The following FRMPD4 variants were observed in gnomAD, a reference collection of about 807,000 sequenced individuals.
FRMPD4 encodes the protein FERM and PDZ domain containing 4.
Under a neutral mutation model 94.1 loss-of-function variants are expected in FRMPD4, and 22 were observed. That is an observed-to-expected ratio of 0.23 (90% CI 0.17 to 0.33). The LOEUF is 0.33. FRMPD4 is among the 10% of genes least tolerant of loss of function. The pLI, the probability that FRMPD4 is intolerant of heterozygous loss-of-function variation, is 1.00. For missense variants in FRMPD4, 1,111 were observed against 1,339.9 expected (o/e 0.83, Z 2.67); for synonymous variants, 631 against 548.6 (o/e 1.15, Z -2.10).
chrX:12,686,058 T>A (rs1157590468), intron 6 of FRMPD4, 39 bp from the exon 7 acceptor site: 2 of 639,251 alleles, frequency 3.1e-6, no homozygotes, highest in Admixed American at 4.8e-5. Flanking sequence ...GAGTTATAAT[T>A]TGATCAATTT....
intron 1 of FRMPD4, among the ~76,000 whole-genome samples, chrX:12,307,261 A>G (rs917264299): frequency 6.2e-5 from 7 of 112,438 alleles, no homozygotes; most frequent in Admixed American, 9.4e-5. Context: ...AGAAGAAACA[A>G]TGATAGGGAA....
At chrX:12,454,814 C>CGT (rs1555968588) in intron 1 of FRMPD4, among the ~76,000 whole-genome samples, 10 of 46,057 alleles carry the variant, frequency 2.2e-4, no homozygotes, top group Non-Finnish European at 4.1e-4. Context: ...TAGAAAGCCA[C>CGT]GTTTTTTTTT....
intron 1 of FRMPD4, among the ~76,000 whole-genome samples, chrX:11,849,831 G>A (rs1441137286): frequency 9.0e-6 from 1 of 111,141 alleles, no homozygotes; most frequent in Non-Finnish European, 1.9e-5. Flanking sequence ...ACTCTTTGAA[G>A]CAAACATAGG....
chrX:12,443,342 A>G (rs1159660580), intron 1 of FRMPD4, among the ~76,000 whole-genome samples: 1 of 112,496 alleles, frequency 8.9e-6, no homozygotes, highest in African/African-American at 3.2e-5. Context: ...AAAAGTGCAT[A>G]TGATTTTAAT....
chrX:12,433,827 A>T (rs762566040), intron 1 of FRMPD4, among the ~76,000 whole-genome samples: 14 of 112,197 alleles, frequency 1.2e-4, no homozygotes, highest in Non-Finnish European at 1.9e-4. Context: ...GAAATAGGTT[A>T]GTTAGCCTGA....
intron 3 of FRMPD4, among the ~76,000 whole-genome samples, chrX:11,922,613 G>C (rs1008542472): frequency 6.2e-5 from 7 of 112,149 alleles, no homozygotes; most frequent in Admixed American, 1.9e-4. Flanking sequence ...AACTGGCAAA[G>C]AGCAACCTGC....
At chrX:12,105,952 T>G (rs1345938500) in intron 3 of FRMPD4, among the ~76,000 whole-genome samples, 1 of 112,199 alleles carries the variant, frequency 8.9e-6, no homozygotes, top group African/African-American at 3.2e-5. Context: ...ATATTTTAAT[T>G]ATTTTGTAAG....
chrX:12,550,860 TCA>T (rs1319893337), intron 2 of FRMPD4, among the ~76,000 whole-genome samples: 7 of 107,485 alleles, frequency 6.5e-5, no homozygotes, highest in African/African-American at 2.4e-4. Context: ...GCAAATATAT[TCA>T]TATATATGCA....
intron 3 of FRMPD4, among the ~76,000 whole-genome samples, chrX:11,899,971 C>T (rs187761347): frequency 8.9e-6 from 1 of 112,268 alleles, no homozygotes; most frequent in African/African-American, 3.2e-5. Context: ...GGTCGCTCTA[C>T]ACAGTTGACC....
intron 10 of FRMPD4, among the ~76,000 whole-genome samples, chrX:12,704,001 CA>C (rs2147143742): frequency 8.9e-6 from 1 of 111,755 alleles, no homozygotes; most frequent in East Asian, 2.8e-4. Flanking sequence ...TAGAAATCAA[CA>C]AAGGGATGGA....
In FRMPD4 at chrX:12,349,131, T is replaced by G. The variant is rs1412982605; in HGVS notation, c.42-149549T>G. Among the ~76,000 whole-genome samples the G allele has an allele frequency of 3.6e-5, 4 of 110,831 alleles. No homozygotes were observed. In the Admixed American group the frequency reaches 3.8e-4, roughly 11 times the overall value. ...TGGTGAGGTAAGGTTGAAGCAGGAG[T>G]CACTCAGACATGCAGTGTGTGCAGC... On this transcript the variant is annotated intron_variant, in intron 1 of 16. Coordinates refer to ENST00000675598, the MANE Select transcript of FRMPD4 (RefSeq NM_001368397.1).
At chrX:12,329,689 A>G (rs1445506699) in intron 1 of FRMPD4, among the ~76,000 whole-genome samples, 2 of 110,063 alleles carry the variant, frequency 1.8e-5, no homozygotes, top group Middle Eastern at 4.7e-3. Context: ...TGGCTTGAAC[A>G]TCAGGATCTG....
At chrX:12,357,789 A>C (rs2055917279) in intron 1 of FRMPD4, among the ~76,000 whole-genome samples, 1 of 111,959 alleles carries the variant, frequency 8.9e-6, no homozygotes, top group African/African-American at 3.2e-5. Context: ...TGTACCATGC[A>C]CTCATTTAAA....
chrX:12,205,566 C>T (rs1428687346), intron 1 of FRMPD4, among the ~76,000 whole-genome samples: 1 of 111,718 alleles, frequency 9.0e-6, no homozygotes, highest in Non-Finnish European at 1.9e-5. Flanking sequence ...TTGATTCTTT[C>T]TGTATACTCT....
At chrX:12,266,031 C>G (rs1420639315) in intron 1 of FRMPD4, among the ~76,000 whole-genome samples, 1 of 102,719 alleles carries the variant, frequency 9.7e-6, no homozygotes, top group Non-Finnish European at 2.0e-5. Flanking sequence ...TATTCGGGAG[C>G]CTGAGGCAGG....
chrX:12,556,193 C>G (rs1235667512), intron 2 of FRMPD4, among the ~76,000 whole-genome samples: 1 of 111,066 alleles, frequency 9.0e-6, no homozygotes, highest in East Asian at 2.8e-4. Flanking sequence ...TGGGCAGGAC[C>G]TTGAACATGA....
chrX:12,395,477 A>G (rs1174472139), intron 1 of FRMPD4, among the ~76,000 whole-genome samples: 1 of 112,256 alleles, frequency 8.9e-6, no homozygotes, highest in Non-Finnish European at 1.9e-5. Context: ...GATAATTTTT[A>G]CATTATATGG....
intron 3 of FRMPD4, among the ~76,000 whole-genome samples, chrX:12,037,641 G>A (rs1186786515): frequency 5.4e-5 from 6 of 110,576 alleles, no homozygotes; most frequent in Admixed American, 9.7e-5. Context: ...AGGTAAACTC[G>A]TATCATGGGG....
chrX:12,124,449 G>T (rs1269330328), intron 3 of FRMPD4, among the ~76,000 whole-genome samples: 2 of 111,497 alleles, frequency 1.8e-5, no homozygotes, highest in Non-Finnish European at 3.8e-5. Context: ...CATAATTTGA[G>T]ACCTGAGGAA....
Sources: gnomAD v4.1 joint callset for allele counts (sites outside exome capture counted in the v4.1 genomes callset) on GRCh38, gnomAD v4.1.1 for gene constraint, MANE v1.5 for transcripts, NCBI Gene and HGNC (gene_info 2026-07-23, HGNC 2026-07-21) for gene names.